The following LUZP2 variants were observed in gnomAD, a reference collection of about 807,000 sequenced individuals.
LUZP2 encodes leucine zipper protein 2.
In LUZP2, 52 loss-of-function variants were observed where a neutral mutation model predicts 51.6. The ratio of observed to expected loss-of-function variants is 1.01; its 90% confidence interval spans 0.81 to 1.27. LUZP2 has a LOEUF of 1.27. Ranked by LOEUF, LUZP2 falls within the 50% of genes most tolerant of loss-of-function variation. The pLI is 0.00. For missense variants in LUZP2, 436 were observed against 395.4 expected (o/e 1.10, Z -0.87); for synonymous variants, 154 against 137.3 (o/e 1.12, Z -0.85).
chr11:24,746,380 C>G (rs565927678), intron 4 of LUZP2, among the ~76,000 whole-genome samples: 3 of 152,180 alleles, frequency 2.0e-5, no homozygotes, highest in Admixed American at 6.5e-5. Flanking sequence ...AAGATAGGGC[C>G]CCAATCCTTC....
At chr11:25,000,276 T>C (rs1856644179) in intron 9 of LUZP2, among the ~76,000 whole-genome samples, 1 of 152,142 alleles carries the variant, frequency 6.6e-6, no homozygotes, top group South Asian at 2.1e-4. Flanking sequence ...CCAAGCCGGC[T>C]TCACCTCTCA....
At chr11:24,702,630 C>T (rs971218416) in intron 1 of LUZP2, among the ~76,000 whole-genome samples, 1 of 152,118 alleles carries the variant, frequency 6.6e-6, no homozygotes, top group African/African-American at 2.4e-5. Flanking sequence ...TGAGTGAGGC[C>T]TCACTTATCA....
At chr11:24,768,106 T>G (rs1860264537) in intron 5 of LUZP2, among the ~76,000 whole-genome samples, 1 of 152,204 alleles carries the variant, frequency 6.6e-6, no homozygotes, top group Middle Eastern at 3.4e-3. Context: ...AATCAGGCAC[T>G]GGGACAAGCA....
chr11:24,645,314 T>C (rs994917953), intron 1 of LUZP2, among the ~76,000 whole-genome samples: 10 of 152,172 alleles, frequency 6.6e-5, no homozygotes, highest in Non-Finnish European at 1.5e-4. Flanking sequence ...ATGTTGAACA[T>C]ATTGTAGTCT....
intron 1 of LUZP2, among the ~76,000 whole-genome samples, chr11:24,501,899 G>C (rs1171234055): frequency 2.0e-5 from 3 of 152,158 alleles, no homozygotes; most frequent in Admixed American, 6.5e-5. Flanking sequence ...CAATTAAGTG[G>C]TGTCTGGGGC....
chr11:24,831,715 T>C (rs1850709720), intron 5 of LUZP2, among the ~76,000 whole-genome samples: 1 of 152,178 alleles, frequency 6.6e-6, no homozygotes, highest in African/African-American at 2.4e-5. Flanking sequence ...ACTTAAAATA[T>C]TATATTTTAA....
intron 7 of LUZP2, among the ~76,000 whole-genome samples, chr11:24,953,908 C>CTA (rs1169146846): frequency 6.6e-6 from 1 of 151,950 alleles, no homozygotes; most frequent in Non-Finnish European, 1.5e-5. Flanking sequence ...TAAATGACAA[C>CTA]TATAACAAGT....
chr11:24,667,645 CA>C (rs764961331), intron 1 of LUZP2, among the ~76,000 whole-genome samples: 4 of 152,156 alleles, frequency 2.6e-5, no homozygotes, highest in Non-Finnish European at 5.9e-5. Flanking sequence ...ACTTGGAATT[CA>C]GATTTCTAAG....
chr11:24,589,813 T>A (rs1853196995), intron 1 of LUZP2, among the ~76,000 whole-genome samples: 1 of 152,192 alleles, frequency 6.6e-6, no homozygotes, highest in African/African-American at 2.4e-5. Flanking sequence ...TGGCTTATAA[T>A]TGGATGTTGA....
intron 4 of LUZP2, among the ~76,000 whole-genome samples, chr11:24,757,447 T>C (rs954219681): frequency 6.6e-6 from 1 of 152,134 alleles, no homozygotes; most frequent in Non-Finnish European, 1.5e-5. Flanking sequence ...TGGCACTTAA[T>C]AATAATGAAA....
chr11:24,721,822 A>G (rs1278917345), intron 1 of LUZP2, among the ~76,000 whole-genome samples: 1 of 152,168 alleles, frequency 6.6e-6, no homozygotes, highest in African/African-American at 2.4e-5. Flanking sequence ...TTTGACCGTG[A>G]ATAAGTAAGA....
intron 1 of LUZP2, among the ~76,000 whole-genome samples, chr11:24,674,648 C>T (rs185100500): frequency 6.6e-6 from 1 of 151,892 alleles, no homozygotes; most frequent in Non-Finnish European, 1.5e-5. Context: ...ACCTTTGTCC[C>T]AAACTTTATT....
At chr11:24,675,761 CTAAT>C (rs1234064197) in intron 1 of LUZP2, among the ~76,000 whole-genome samples, 1 of 149,178 alleles carries the variant, frequency 6.7e-6, no homozygotes, top group Non-Finnish European at 1.5e-5. Context: ...TACAAATCTC[CTAAT>C]TAGTTTTCAT....
intron 9 of LUZP2, among the ~76,000 whole-genome samples, chr11:25,020,578 ATTC>A (rs1857303280): frequency 6.6e-6 from 1 of 152,014 alleles, no homozygotes; most frequent in South Asian, 2.1e-4. Flanking sequence ...GCAGAGTTAT[ATTC>A]TTGGTGGTGT....
chr11:24,521,441 A>G (rs1382825151), intron 1 of LUZP2, among the ~76,000 whole-genome samples: 2 of 151,984 alleles, frequency 1.3e-5, no homozygotes, highest in Non-Finnish European at 2.9e-5. Context: ...CCCCAGAGGA[A>G]TTAAAAGAAG....
chr11:24,905,394 G>A (rs1057178682), intron 5 of LUZP2, among the ~76,000 whole-genome samples: 10 of 152,046 alleles, frequency 6.6e-5, no homozygotes, highest in Non-Finnish European at 1.5e-4. Flanking sequence ...CAGGCATGGT[G>A]GTGCACATCT....
chr11:24,558,972 A>C lies in LUZP2; in HGVS notation c.62+61667A>C, dbSNP rs576964286. 2.0e-5 allele frequency among the ~76,000 whole-genome samples: 3 copies of C among 152,274 alleles called. No individual in the cohort carries two copies. The East Asian group carries it at 5.8e-4, about 29-fold the overall frequency. On this transcript the variant is annotated intron_variant, in intron 1 of 11. Transcript: ENST00000336930. ...TGATATTTTTTAGCAGCAGAAATGG[A>C]CTGAGACGGTTTCTATCTGGAATAA...
At chr11:24,651,893 C>G (rs1376217774) in intron 1 of LUZP2, among the ~76,000 whole-genome samples, 1 of 152,134 alleles carries the variant, frequency 6.6e-6, no homozygotes, top group Non-Finnish European at 1.5e-5. Context: ...CTTCAGCCTA[C>G]AGTCTACCTT....
At chr11:24,667,406 C>T (rs1377911554) in intron 1 of LUZP2, among the ~76,000 whole-genome samples, 1 of 152,006 alleles carries the variant, frequency 6.6e-6, no homozygotes, top group African/African-American at 2.4e-5. Context: ...AGGCTGGTCT[C>T]GAACTCCTGA....
Sources: gnomAD v4.1 joint callset for allele counts (sites outside exome capture counted in the v4.1 genomes callset) on GRCh38, gnomAD v4.1.1 for gene constraint, MANE v1.5 for transcripts, NCBI Gene and HGNC (gene_info 2026-07-23, HGNC 2026-07-21) for gene names.